Variants in BMPR2 observed in about 807,000 individuals in gnomAD.
BMPR2 encodes bone morphogenetic protein receptor type 2.
A neutral mutation model predicts 100.8 loss-of-function variants in BMPR2; 29 were observed. That is an observed-to-expected ratio of 0.29 (90% CI 0.21 to 0.39). The LOEUF (loss-of-function observed/expected upper bound fraction) is 0.39, where lower values mean the gene tolerates loss of function less well. BMPR2 is among the 10% of genes least tolerant of loss of function. The pLI is 1.00. For missense variants in BMPR2, 1,011 were observed against 1,274.5 expected (o/e 0.79, Z 3.15); for synonymous variants, 382 against 442.3 (o/e 0.86, Z 1.71).
In BMPR2 at chr2:202,532,465, A is replaced by T; in HGVS notation, c.1129-120A>T. 1 of 1,243,732 alleles carries T rather than the reference A, an allele frequency of 8.0e-7. No individual in the cohort carries two copies. Among genetic ancestry groups the T allele is most frequent in the Non-Finnish European group, 1.1e-6 (1 of 877,676 alleles). The allele number at this position is 1,243,732 out of a possible 1,614,324, so 77.0% of individuals were successfully genotyped here. ...AAATAAGTTATAGAAAGGTTTAATG[A>T]CATGGTTAGGGTCAAATAACATTGA... On this transcript the variant is annotated intron_variant, in intron 8 of 12. Transcript: ENST00000374580. This position sits in a 1 kb window ranked among gnomAD's most constrained non-coding sequence, Gnocchi z 4.1.
intron 1 of BMPR2, among the ~76,000 whole-genome samples, chr2:202,457,384 A>G (rs928014843): frequency 6.6e-6 from 1 of 151,764 alleles, no homozygotes; most frequent in African/African-American, 2.4e-5. Context: ...ACATGATATA[A>G]TAATTTTTCA....
intron 1 of BMPR2, among the ~76,000 whole-genome samples, chr2:202,390,365 C>T (rs1458177087): frequency 2.1e-5 from 3 of 145,564 alleles, no homozygotes; most frequent in African/African-American, 2.6e-5. Flanking sequence ...CAGAGTCTTG[C>T]GCTGTTGCCC....
rs34935440 is a variant in BMPR2 at position 202,391,291 on chromosome 2, T to TTTG, written c.76+13762_76+13764dup. On this transcript the variant is annotated intron_variant, in intron 1 of 12. Coordinates refer to ENST00000374580, the MANE Select transcript of BMPR2 (RefSeq NM_001204.7). Reference sequence around the variant, plus strand: ...GCGCCTTAGTAAGTAGTCTTATAGTTTTGTTGTTGTTGTTGTTGTTGTTTT... The same window carrying TTTG: ...GCGCCTTAGTAAGTAGTCTTATAGTTTTGTTGTTGTTGTTGTTGTTGTTGTTTT... 7.3e-3 allele frequency among the ~76,000 whole-genome samples: 1,100 copies of TTTG among 151,580 alleles called. 18 individuals carry two copies. The highest frequency in any genetic ancestry group is 0.025 in the African/African-American group (1,018 of 41,306).
intron 3 of BMPR2, among the ~76,000 whole-genome samples, chr2:202,491,229 T>C (rs560843322): frequency 6.6e-5 from 10 of 151,926 alleles, no homozygotes; most frequent in South Asian, 6.2e-4. Flanking sequence ...GCTAATCTTT[T>C]AATTGTTTGT....
rs1012330880 is a variant in BMPR2 at position 202,377,156 on chromosome 2, A to G, written c.-319A>G. On this transcript the variant is annotated 5_prime_UTR_variant, in exon 1 of 13. Transcript: ENST00000374580. ...GATATTTTTTTGATATCGTGAAACTACGAGGGAAATAATTTGGGGGATTTC... is the reference window on the plus strand; with the variant it reads ...GATATTTTTTTGATATCGTGAAACTGCGAGGGAAATAATTTGGGGGATTTC... 7 of 585,246 alleles carry G rather than the reference A, an allele frequency of 1.2e-5. No individual in the cohort carries two copies. In the African/African-American group the frequency reaches 1.3e-4, roughly 11 times the overall value. The allele number at this position is 585,246 out of a possible 1,614,324, so 36.3% of individuals were successfully genotyped here. A position where few individuals can be genotyped will look rare whatever the true frequency, so the allele number is the denominator to read the frequency against.
intron 3 of BMPR2, among the ~76,000 whole-genome samples, chr2:202,477,013 G>A (rs944731364): frequency 4.0e-5 from 6 of 151,338 alleles, no homozygotes; most frequent in Non-Finnish European, 7.4e-5. Flanking sequence ...TGTTTGGAAT[G>A]TTATATAGTG....
In BMPR2 at chr2:202,496,229, G is replaced by A. The variant is rs1339890745; in HGVS notation, c.419-17490G>A. ...TGGCCAGGCATGGTGGTTTATGCTT[G>A]TAATTCCAGCACTTTGGGAGGCCAG... On this transcript the variant is annotated intron_variant, in intron 3 of 12. Coordinates refer to ENST00000374580, the MANE Select transcript of BMPR2 (RefSeq NM_001204.7). Among the ~76,000 whole-genome samples, 6 of 152,206 alleles carry A rather than the reference G, an allele frequency of 3.9e-5. No homozygotes were observed. The East Asian group carries it at 1.2e-3, about 29-fold the overall frequency.
Position 202,565,272 on chromosome 2 carries a change from A to C in BMPR2, c.*5326A>C, listed in dbSNP as rs1244466252. The C allele has an allele frequency of 6.6e-6, 1 of 152,166 alleles. No homozygotes were observed. The highest frequency in any genetic ancestry group is 1.5e-5 in the Non-Finnish European group (1 of 68,028). 9.4% of individuals were successfully genotyped at this position (152,166 alleles called of 1,614,324 possible). On this transcript the variant is annotated 3_prime_UTR_variant, in exon 13 of 13. Coordinates refer to ENST00000374580, the MANE Select transcript of BMPR2 (RefSeq NM_001204.7). ...GTATGCTTCAGGCCTCTCAATGAACACTTAAGTCTCAATTCTTCAGACAAA... is the reference window on the plus strand; with the variant it reads ...GTATGCTTCAGGCCTCTCAATGAACCCTTAAGTCTCAATTCTTCAGACAAA...
chr2:202,534,992 CTG>C lies in BMPR2; in HGVS notation c.1276+2261_1276+2262del, dbSNP rs1203481907. 2.6e-3 allele frequency among the ~76,000 whole-genome samples: 50 copies of C among 18,958 alleles called. 12 individuals carry two copies. The highest frequency in any genetic ancestry group is 5.9e-3 in the Admixed American group (11 of 1,858). 12.4% of individuals were successfully genotyped at this position (18,958 alleles called of 152,430 possible). On this transcript the variant is annotated intron_variant, in intron 9 of 12. Coordinates refer to ENST00000374580, the MANE Select transcript of BMPR2 (RefSeq NM_001204.7). ...CCTGGCCGGGCGGGTGGCTGACCCC[CTG>C]CCACCTCCCTCCCGGACGGGTCGGC...
chr2:202,388,413 A>AC (rs1474563243), intron 1 of BMPR2, among the ~76,000 whole-genome samples: 5 of 150,342 alleles, frequency 3.3e-5, no homozygotes, highest in African/African-American at 4.9e-5. Context: ...AAAAAAAAAA[A>AC]AAAAAAACAT....
intron 3 of BMPR2, among the ~76,000 whole-genome samples, chr2:202,492,725 CAAA>C (rs796078041): frequency 9.0e-6 from 1 of 111,690 alleles, no homozygotes; most frequent in Non-Finnish European, 1.8e-5. Context: ...AAAAAAAAAC[CAAA>C]AAAAAAAACA....
At chr2:202,385,766 G>A (rs1002458318) in intron 1 of BMPR2, among the ~76,000 whole-genome samples, 12 of 150,950 alleles carry the variant, frequency 7.9e-5, no homozygotes, top group Admixed American at 1.3e-4. Context: ...ATGTATATGT[G>A]ATCTTAATAA....
rs535423968 is a variant in BMPR2, at chr2:202,461,886, T to C, written c.77-2923T>C. Among the ~76,000 whole-genome samples the C allele has an allele frequency of 1.6e-3, 240 of 152,292 alleles. 2 individuals carry two copies. Among genetic ancestry groups the C allele is most frequent in the Non-Finnish European group, 2.1e-3 (146 of 68,030 alleles). On this transcript the variant is annotated intron_variant, in intron 1 of 12. Transcript: ENST00000374580. The stretch of plus-strand genomic sequence containing the variant: ...TTTTTAAAGGTAAGAAATCGTAATA[T>C]ACTTTTTTCTTTTTTTATCATTCAA...
rs1690142670 is a variant in BMPR2 at position 202,376,468 on chromosome 2, C to T, written c.-1007C>T. On this transcript the variant is annotated 5_prime_UTR_variant, in exon 1 of 13. Transcript: ENST00000374580. ...CCCGCCGCCCCCCGCCCTCGGTCCG[C>T]GACGCCCGAGTTCCGTCAGGAGCCC... Among the ~76,000 whole-genome samples, 1 of 142,350 alleles carries T rather than the reference C, an allele frequency of 7.0e-6. No homozygotes were observed. The allele number at this position is 142,350 out of a possible 152,430, so 93.4% of individuals were successfully genotyped here.
intron 1 of BMPR2, among the ~76,000 whole-genome samples, chr2:202,382,872 C>G (rs1690331433): frequency 6.6e-6 from 1 of 152,114 alleles, no homozygotes; most frequent in South Asian, 2.1e-4. Flanking sequence ...ATGGGTACCC[C>G]ACTAGACCTA....
intron 1 of BMPR2, among the ~76,000 whole-genome samples, chr2:202,428,285 C>G (rs895542535): frequency 1.3e-5 from 2 of 152,082 alleles, no homozygotes; most frequent in Admixed American, 6.6e-5. Flanking sequence ...CAGTCTCTCT[C>G]CCTTGTCATA....
At chr2:202,407,505 G>A (rs982378758) in intron 1 of BMPR2, among the ~76,000 whole-genome samples, 2 of 151,502 alleles carry the variant, frequency 1.3e-5, no homozygotes, top group African/African-American at 2.4e-5. Flanking sequence ...GGGCGTGGTC[G>A]CTCACGCCTG....
At chr2:202,448,711 C>T (rs1691907956) in intron 1 of BMPR2, among the ~76,000 whole-genome samples, 2 of 151,794 alleles carry the variant, frequency 1.3e-5, no homozygotes, top group Admixed American at 1.3e-4. Context: ...CTGCCTCGGC[C>T]TCCCAAAGTG....
At chr2:202,493,920 C>A (rs1022402515) in intron 3 of BMPR2, among the ~76,000 whole-genome samples, 5 of 152,050 alleles carry the variant, frequency 3.3e-5, no homozygotes, top group Non-Finnish European at 5.9e-5. Context: ...CAAGCTAGAT[C>A]TATTCAAAAT....
Sources: gnomAD v4.1 joint callset for allele counts (sites outside exome capture counted in the v4.1 genomes callset) on GRCh38, gnomAD v4.1.1 for gene constraint, Gnocchi (gnomAD v3.1) non-coding constraint, MANE v1.5 for transcripts, NCBI Gene and HGNC (gene_info 2026-07-23, HGNC 2026-07-21) for gene names.